The following DOCK9 variants were observed in gnomAD, a reference collection of about 807,000 sequenced individuals.
DOCK9 encodes the protein dedicator of cytokinesis 9.
DOCK9 carries 89 observed loss-of-function variants against 263.3 expected under a neutral mutation model. That is an observed-to-expected ratio of 0.34 (90% CI 0.28 to 0.40). DOCK9 has a LOEUF of 0.40. Among genes scored for constraint, DOCK9 ranks in the 10% least tolerant of loss-of-function variants. The probability of loss-of-function intolerance (pLI) is 1.00; values close to 1 mark genes in which losing one functional copy is unlikely to be tolerated. For synonymous variants in DOCK9, 976 were observed against 973.1 expected, an observed-to-expected ratio of 1.00 and a Z score of -0.06; for missense variants, 2,140 against 2,603.4, an observed-to-expected ratio of 0.82 and a Z score of 3.87.
At chr13:99,083,707 G>C (rs1270326364) in intron 1 of DOCK9, among the ~76,000 whole-genome samples, 1 of 152,166 alleles carries the variant, frequency 6.6e-6, no homozygotes, top group African/African-American at 2.4e-5. Flanking sequence ...CATGAAAAAT[G>C]AAGCTATTGA....
intron 43 of DOCK9, among the ~76,000 whole-genome samples, chr13:98,828,231 G>A (rs1201236970): frequency 1.3e-5 from 2 of 152,222 alleles, no homozygotes; most frequent in Admixed American, 6.5e-5. Flanking sequence ...AGAACTGTGA[G>A]AGGATACATT....
intron 1 of DOCK9, among the ~76,000 whole-genome samples, chr13:98,977,045 T>C (rs548815049): frequency 7.2e-5 from 11 of 152,308 alleles, no homozygotes; most frequent in African/African-American, 2.6e-4. Flanking sequence ...ATGTTGGTGG[T>C]TTTGTGCAGC....
Position 98,797,208 on chromosome 13 carries a change from A to G in DOCK9, c.6063T>C (p.Arg2021=), listed in dbSNP as rs779167858. 6.2e-7 allele frequency: 1 copy of G among 1,613,914 alleles called. No homozygotes were observed. Among genetic ancestry groups the G allele is most frequent in the East Asian group, 2.2e-5 (1 of 44,878 alleles). ...ACGQALAVNE[R]LIKEDQLEYQ... is the part of the protein sequence containing the mutation. ...ACTCGAGCTGGTCTTCTTTAATCAG[A>G]CGTTCGTTTACCGCTAAGGCTTGAC... Residue 2021 remains arginine, a synonymous_variant, in exon 52 of 53, where the codon CGT becomes CGC. Coordinates refer to ENST00000682017, the MANE Select transcript of DOCK9 (RefSeq NM_001366683.2).
At chr13:98,916,053 C>T (rs1207643773) in intron 7 of DOCK9, among the ~76,000 whole-genome samples, 4 of 152,274 alleles carry the variant, frequency 2.6e-5, no homozygotes, top group South Asian at 2.1e-4. Context: ...ACTCCCTGTC[C>T]GTGGCCTTGC....
intron 24 of DOCK9, 97 bp downstream of exon 24, chr13:98,881,795 T>C: frequency 7.8e-7 from 1 of 1,281,242 alleles, no homozygotes; most frequent in Non-Finnish European, 1.1e-6. Context: ...TTCTTAAATG[T>C]AATGTTCAGC....
intron 1 of DOCK9, among the ~76,000 whole-genome samples, chr13:98,964,364 C>G (rs1303406374): frequency 6.6e-6 from 1 of 152,034 alleles, no homozygotes; most frequent in East Asian, 1.9e-4. Context: ...AGTGAGGGAC[C>G]CCAATTATGT....
intron 15 of DOCK9, among the ~76,000 whole-genome samples, chr13:98,891,866 T>C (rs554886171): frequency 2.0e-5 from 3 of 151,548 alleles, no homozygotes; most frequent in Non-Finnish European, 2.9e-5. Context: ...CTCAAACCCA[T>C]TTCAAAAGTT....
intron 45 of DOCK9, among the ~76,000 whole-genome samples, chr13:98,818,850 T>C (rs57360697): frequency 0.042 from 6,323 of 152,154 alleles, 161 homozygotes; most frequent in Middle Eastern, 0.099. Context: ...TGTGTGTGTG[T>C]GCGCACACAT....
At chr13:98,886,367 C>T (rs1273763611) in intron 19 of DOCK9, among the ~76,000 whole-genome samples, 165 bp downstream of exon 19, 2 of 152,164 alleles carry the variant, frequency 1.3e-5, no homozygotes, top group Non-Finnish European at 2.9e-5. Flanking sequence ...GAAAATGTTA[C>T]ATTTACAATC....
At chr13:98,827,218 G>A (rs1201565450) in intron 43 of DOCK9, among the ~76,000 whole-genome samples, 3 of 152,246 alleles carry the variant, frequency 2.0e-5, no homozygotes, top group South Asian at 4.1e-4. Flanking sequence ...CTCTCAAAGC[G>A]AAAAGAGGAT....
intron 49 of DOCK9, among the ~76,000 whole-genome samples, chr13:98,802,359 C>T (rs756229595): frequency 2.0e-5 from 3 of 152,180 alleles, no homozygotes; most frequent in Non-Finnish European, 2.9e-5. Context: ...TGCATTACTG[C>T]CCAAATGGCT....
At chr13:99,008,890 A>G (rs1883972091) in intron 1 of DOCK9, among the ~76,000 whole-genome samples, 1 of 152,244 alleles carries the variant, frequency 6.6e-6, no homozygotes, top group African/African-American at 2.4e-5. Flanking sequence ...TGCCAAACAC[A>G]GTCCCATTAG....
intron 9 of DOCK9, among the ~76,000 whole-genome samples, chr13:98,912,703 C>T (rs1380815675): frequency 2.0e-5 from 3 of 151,950 alleles, no homozygotes; most frequent in Admixed American, 6.6e-5. Flanking sequence ...AGGAGGGGAC[C>T]GTTCCTGTAT....
chr13:98,885,943 C>T (rs2045629229), intron 19 of DOCK9, 112 bp from the exon 20 acceptor site: 16 of 1,001,794 alleles, frequency 1.6e-5, no homozygotes, highest in South Asian at 4.3e-5. Context: ...GTTCTCCGAG[C>T]GGATATTAAC....
At chr13:99,066,206 C>A (rs985560314) in intron 1 of DOCK9, among the ~76,000 whole-genome samples, 4 of 152,132 alleles carry the variant, frequency 2.6e-5, no homozygotes, top group Non-Finnish European at 4.4e-5. Flanking sequence ...TTTCTAGAAA[C>A]AATGATCATT....
At chr13:99,004,924 T>C (rs956670492) in intron 1 of DOCK9, among the ~76,000 whole-genome samples, 1 of 152,146 alleles carries the variant, frequency 6.6e-6, no homozygotes, top group Non-Finnish European at 1.5e-5. Flanking sequence ...TTGTATAATG[T>C]ATAAAAGGAA....
At chr13:98,961,960 T>C (rs951019225) in intron 1 of DOCK9, among the ~76,000 whole-genome samples, 32 of 152,212 alleles carry the variant, frequency 2.1e-4, no homozygotes, top group Non-Finnish European at 4.4e-5. Flanking sequence ...AAACTGAGAA[T>C]GCCCCCAAAC....
intron 45 of DOCK9, chr13:98,820,689 C>A: frequency 2.3e-6 from 1 of 430,078 alleles, no homozygotes; most frequent in Non-Finnish European, 4.6e-6. Flanking sequence ...TTGCAAAAAT[C>A]GATATTATTA....
In DOCK9 at chr13:98,921,068, G is replaced by A. The variant is rs994851709; in HGVS notation, c.603C>T (p.Phe201=). The A allele has an allele frequency of 3.1e-6, 5 of 1,601,164 alleles. No individual in the cohort carries two copies. Among genetic ancestry groups the A allele is most frequent in the Middle Eastern group, 1.7e-4 (1 of 6,044 alleles). ...VTMRSFKRRF[F]HLIQLGDGSY... ...ATCCATCGCCAAGTTGAATCAGGTG[G>A]AAAAATCGTCTCTTAAATGACTGAG... Residue 201 remains phenylalanine (F), a synonymous_variant, in exon 7 of 53, where the codon TTC becomes TTT. Coordinates refer to ENST00000682017, the MANE Select transcript of DOCK9 (RefSeq NM_001366683.2).
Sources: allele counts gnomAD v4.1 joint callset (sites outside exome capture counted in the v4.1 genomes callset), GRCh38; gene constraint gnomAD v4.1.1; transcripts MANE v1.5; gene names NCBI Gene and HGNC (gene_info 2026-07-23, HGNC 2026-07-21).